The following TAB2 variants were observed in gnomAD, a reference collection of about 807,000 sequenced individuals.
The protein encoded by TAB2 is TGF-beta activated kinase 1 (MAP3K7) binding protein 2.
A neutral mutation model predicts 65.0 loss-of-function variants in TAB2; 3 were observed. The ratio of observed to expected loss-of-function variants is 0.05; its 90% CI spans 0.02 to 0.12. The LOEUF (loss-of-function observed/expected upper bound fraction) is 0.12, where lower values mean the gene tolerates loss of function less well. Among genes scored for constraint, TAB2 ranks in the 10% least tolerant of loss-of-function variants. The pLI, the probability that TAB2 is intolerant of heterozygous loss-of-function variation, is 1.00. For synonymous variants in TAB2, 298 were observed against 285.1 expected (o/e 1.05, Z -0.46); for missense variants, 623 against 840.3 (o/e 0.74, Z 3.20).
chr6:149,254,065 GGA>G lies in TAB2; in HGVS notation c.-121+35290_-121+35291del, dbSNP rs1562389569. 2.1e-3 allele frequency among the ~76,000 whole-genome samples: 151 copies of G among 70,884 alleles called. 3 individuals are homozygous for G. Among genetic ancestry groups the G allele is most frequent in the South Asian group, 0.02 (39 of 1,936 alleles). The allele number at this position is 70,884 out of a possible 152,430, so 46.5% of individuals were successfully genotyped here. A position where few individuals can be genotyped will look rare whatever the true frequency, so the allele number is the denominator to read the frequency against. ...AAAGAAAGAGGGAGAGAGGGAGGAA[GGA>G]AGGAAGGAAGGAAGGAAGGAAGGAA... On this transcript the variant is annotated intron_variant, in intron 1 of 1. Transcript: ENST00000606202.
In TAB2 at chr6:149,289,766, C is replaced by A. The variant is rs375753450; in HGVS notation, c.-121+70990C>A. Among the ~76,000 whole-genome samples, 7 of 152,310 alleles carry A rather than the reference C, an allele frequency of 4.6e-5. No homozygotes were observed. The East Asian group carries it at 9.6e-4, about 21-fold the overall frequency. On this transcript the variant is annotated intron_variant, in intron 1 of 1. Transcript: ENST00000606202. ...ACTCTCAGGAGGGCCTGAGAACATG[C>A]GCCTAAGTTGGTCGGGCTACAACTT...
chr6:149,370,361 C>T (rs1240607453), intron 2 of TAB2, among the ~76,000 whole-genome samples: 1 of 152,136 alleles, frequency 6.6e-6, no homozygotes, highest in Non-Finnish European at 1.5e-5. Flanking sequence ...AATATCTGTA[C>T]TTACTAGACA....
chr6:149,254,024 A>AAGAC, intron 1 of TAB2, among the ~76,000 whole-genome samples: 1 of 143,304 alleles, frequency 7.0e-6, no homozygotes, highest in Non-Finnish European at 1.5e-5. Flanking sequence ...GAAAGAAAGA[A>AAGAC]AAGAAAGAAA....
At position 149,378,494 on chromosome 6, in the gene TAB2, A is replaced by C; in HGVS notation, c.579A>C (p.Thr193=). 6.2e-7 allele frequency: 1 copy of C among 1,614,210 alleles called. No homozygotes were observed. Among genetic ancestry groups the C allele is most frequent in the Non-Finnish European group, 8.5e-7 (1 of 1,180,048 alleles). ...PNIQTGRNTP[T]SLHIHGVPPP... is the part of the protein sequence containing the mutation. ...TCCAGACTGGTCGTAATACTCCTAC[A>C]TCTTTGCACATACATGGTGTACCTC... is the stretch of plus-strand genomic sequence containing the variant. Residue 193 remains threonine, a synonymous_variant, in exon 3 of 7, where the codon ACA becomes ACC. Coordinates refer to ENST00000637181, the MANE Select transcript of TAB2 (RefSeq NM_001292034.3).
At chr6:149,237,408 GT>G (rs1374829244) in intron 1 of TAB2, among the ~76,000 whole-genome samples, 1 of 152,146 alleles carries the variant, frequency 6.6e-6, no homozygotes, top group Non-Finnish European at 1.5e-5. Context: ...CCTGATGCTG[GT>G]TTCCTCTTCT....
At chr6:149,403,347 C>CACACATATATATACATATATAT (rs1782546074) in intron 6 of TAB2, among the ~76,000 whole-genome samples, 2 of 29,750 alleles carry the variant, frequency 6.7e-5, no homozygotes, top group African/African-American at 4.2e-4. Flanking sequence ...TATACACACA[C>CACACATATATATACATATATAT]ACACACACAC....
chr6:149,355,633 C>T (rs2114817387), intron 1 of TAB2, among the ~76,000 whole-genome samples: 1 of 149,058 alleles, frequency 6.7e-6, no homozygotes, highest in East Asian at 2.0e-4. Flanking sequence ...CACCATTGCA[C>T]TCCATCCTGT....
At chr6:149,391,314 G>A (rs1446711592) in intron 3 of TAB2, among the ~76,000 whole-genome samples, 2 of 151,774 alleles carry the variant, frequency 1.3e-5, no homozygotes, top group Non-Finnish European at 2.9e-5. Context: ...TTTTACAATG[G>A]TGTAGGGGTT....
chr6:149,224,312 T>G (rs1562378635), intron 1 of TAB2, among the ~76,000 whole-genome samples: 2 of 152,248 alleles, frequency 1.3e-5, no homozygotes, highest in Non-Finnish European at 2.9e-5. Flanking sequence ...TTTTGGAAGA[T>G]AGCCAAAGCC....
intron 1 of TAB2, among the ~76,000 whole-genome samples, chr6:149,351,612 C>T (rs1344364640): frequency 1.3e-5 from 2 of 152,152 alleles, no homozygotes; most frequent in Non-Finnish European, 2.9e-5. Flanking sequence ...CCTAACACTC[C>T]TATGAAGTAG....
At chr6:149,346,791 G>A (rs1780321769) in intron 1 of TAB2, among the ~76,000 whole-genome samples, 1 of 151,990 alleles carries the variant, frequency 6.6e-6, no homozygotes, top group Non-Finnish European at 1.5e-5. Flanking sequence ...ATATTAAGGT[G>A]CCATTTTAAA....
chr6:149,236,579 T>G (rs1439061424), intron 1 of TAB2, among the ~76,000 whole-genome samples: 1 of 152,212 alleles, frequency 6.6e-6, no homozygotes, highest in East Asian at 1.9e-4. Context: ...GATAGGAGGC[T>G]AATCAAGTGG....
intron 1 of TAB2, among the ~76,000 whole-genome samples, chr6:149,349,202 C>T (rs981697059): frequency 2.6e-5 from 4 of 151,666 alleles, no homozygotes; most frequent in African/African-American, 9.7e-5. Flanking sequence ...GGGTTGATCA[C>T]AAGGCCAGGA....
chr6:149,222,598 A>G (rs1390995111), intron 1 of TAB2, among the ~76,000 whole-genome samples: 1 of 149,540 alleles, frequency 6.7e-6, no homozygotes, highest in Non-Finnish European at 1.5e-5. Flanking sequence ...AGCTTGGGCA[A>G]CAGAGCGAGA....
At chr6:149,368,119 G>A (rs1003839442) in intron 1 of TAB2, among the ~76,000 whole-genome samples, 1 of 152,098 alleles carries the variant, frequency 6.6e-6, no homozygotes, top group African/African-American at 2.4e-5. Context: ...ACATTCAGAT[G>A]TCCAGAAAAG....
chr6:149,387,371 T>G (rs1781838883), intron 3 of TAB2, among the ~76,000 whole-genome samples: 1 of 152,224 alleles, frequency 6.6e-6, no homozygotes, highest in African/African-American at 2.4e-5. Flanking sequence ...AAAGACTTTT[T>G]CTCCTCATTG....
chr6:149,396,524 T>A (rs1300928136), intron 3 of TAB2, among the ~76,000 whole-genome samples: 1 of 152,244 alleles, frequency 6.6e-6, no homozygotes, highest in Non-Finnish European at 1.5e-5. Context: ...CTTTTCCAAA[T>A]CTGCTTTATT....
At chr6:149,407,613 A>G (rs11155650) in intron 6 of TAB2, among the ~76,000 whole-genome samples, 35,897 of 152,106 alleles carry the variant, frequency 0.24, 4,435 homozygotes, top group Non-Finnish European at 0.26. Flanking sequence ...AAGCTAAAAT[A>G]CACATTAACT....
intron 1 of TAB2, among the ~76,000 whole-genome samples, chr6:149,272,615 C>G (rs1759378091): frequency 6.6e-6 from 1 of 152,176 alleles, no homozygotes; most frequent in Non-Finnish European, 1.5e-5. Flanking sequence ...ATGTGCCCAC[C>G]CAAATCATCC....
Sources: allele counts gnomAD v4.1 joint callset (sites outside exome capture counted in the v4.1 genomes callset), GRCh38; gene constraint gnomAD v4.1.1; transcripts MANE v1.5; gene names NCBI Gene and HGNC (gene_info 2026-07-23, HGNC 2026-07-21).